Variants in SPATA16 observed in about 807,000 individuals in gnomAD.
The protein encoded by SPATA16 is spermatogenesis-associated protein 16.
Under a neutral mutation model 63.3 loss-of-function variants are expected in SPATA16, and 36 were observed. That is an observed-to-expected ratio of 0.57 (90% confidence interval 0.44 to 0.75). The LOEUF is 0.75. SPATA16 is among the 30% of genes least tolerant of loss of function. SPATA16 has a pLI of 0.00. For synonymous variants in SPATA16, 203 were observed against 216.7 expected (o/e 0.94, Z 0.56); for missense variants, 646 against 679.3 (o/e 0.95, Z 0.54).
chr3:172,919,867 GT>G (rs1206974271), intron 8 of SPATA16, among the ~76,000 whole-genome samples: 2 of 151,968 alleles, frequency 1.3e-5, no homozygotes, highest in Admixed American at 6.6e-5. Context: ...TTGTGTGTGT[GT>G]TTTTAATAGA....
intron 2 of SPATA16, among the ~76,000 whole-genome samples, chr3:173,087,565 A>C (rs1185576779): frequency 1.3e-5 from 2 of 152,184 alleles, no homozygotes; most frequent in Non-Finnish European, 2.9e-5. Flanking sequence ...TCCGGTCATC[A>C]TGATGCTAGC....
Position 173,029,751 on chromosome 3 carries a change from A to G in SPATA16, c.759-10176T>C, listed in dbSNP as rs1054960530. On this transcript the variant is annotated intron_variant, in intron 3 of 10. Coordinates refer to ENST00000351008, the MANE Select transcript of SPATA16 (RefSeq NM_031955.6). ...CAAGATATGCAAAACTGCTATACACATGGGTAATTTTCTCCCCATAGGGAT... is the reference window on the plus strand; with the variant it reads ...CAAGATATGCAAAACTGCTATACACGTGGGTAATTTTCTCCCCATAGGGAT... Among the ~76,000 whole-genome samples, 4 of 152,002 alleles carry G rather than the reference A, an allele frequency of 2.6e-5. 1 individual carries two copies. The highest frequency in any genetic ancestry group is 1.3e-4 in the Admixed American group (2 of 15,226).
Position 172,925,457 on chromosome 3 carries a change from C to A in SPATA16, c.1117G>T (p.Asp373Tyr), listed in dbSNP as rs763912965. 1 of 1,613,830 alleles carries A rather than the reference C, an allele frequency of 6.2e-7. No individual in the cohort carries two copies. The highest frequency in any genetic ancestry group is 2.2e-5 in the East Asian group (1 of 44,872). Residue 373 changes from aspartate (D) to tyrosine (Y), a missense_variant, in exon 7 of 11, where the codon GAC becomes TAC. Coordinates refer to ENST00000351008, the MANE Select transcript of SPATA16 (RefSeq NM_031955.6). The stretch of plus-strand genomic sequence containing the variant: ...TGTTGGGGAGGAAAAGATGACCAGT[C>A]AACTGTCTGAGGCAACATGTGGAGT... ...QALHMLPQTV[D>Y]WSSFPPQQYL... is the part of the protein sequence containing the mutation.
chr3:173,064,865 G>C (rs550716083), intron 2 of SPATA16, among the ~76,000 whole-genome samples: 2 of 152,058 alleles, frequency 1.3e-5, no homozygotes, highest in East Asian at 3.9e-4. Context: ...ATGAAAAATC[G>C]GGATTGATAA....
chr3:173,002,429 A>G (rs1376677892), intron 4 of SPATA16, among the ~76,000 whole-genome samples: 1 of 152,166 alleles, frequency 6.6e-6, no homozygotes, highest in Non-Finnish European at 1.5e-5. Context: ...TCAGTGAAAG[A>G]ATTAGGAGAA....
In SPATA16 at chr3:173,058,667, A is replaced by G. The variant is rs74420848; in HGVS notation, c.613-9573T>C. Among the ~76,000 whole-genome samples the G allele has an allele frequency of 4.2e-3, 645 of 152,230 alleles. 9 individuals are homozygous for G. In the East Asian group the frequency reaches 0.049, roughly 12 times the overall value. On this transcript the variant is annotated intron_variant, in intron 2 of 10. Transcript: ENST00000351008. ...ATTACTAGCTCAGTCTCCTGTGTTT[A>G]TCGGCCATGGGTATGGGTATACTGT... is the stretch of plus-strand genomic sequence containing the variant.
intron 5 of SPATA16, among the ~76,000 whole-genome samples, chr3:172,976,285 T>TG (rs1163376701): frequency 6.6e-6 from 1 of 152,062 alleles, no homozygotes; most frequent in Non-Finnish European, 1.5e-5. Flanking sequence ...GTTATTTTTG[T>TG]GGGGGTTAAG....
chr3:173,027,148 C>T (rs1192408525), intron 3 of SPATA16, among the ~76,000 whole-genome samples: 1 of 151,736 alleles, frequency 6.6e-6, no homozygotes, highest in Non-Finnish European at 1.5e-5. Flanking sequence ...AGATTTATTC[C>T]AAACATTTGA....
chr3:173,086,015 G>T (rs1368677067), intron 2 of SPATA16, among the ~76,000 whole-genome samples: 9 of 149,360 alleles, frequency 6.0e-5, no homozygotes, highest in African/African-American at 2.0e-4. Flanking sequence ...TTGTATCTCT[G>T]CCAGGTTTTG....
chr3:172,999,195 A>G (rs1734760083), intron 4 of SPATA16, among the ~76,000 whole-genome samples: 1 of 152,080 alleles, frequency 6.6e-6, no homozygotes, highest in Admixed American at 6.5e-5. Context: ...GAAAGTTATT[A>G]ATTAATTATT....
intron 6 of SPATA16, among the ~76,000 whole-genome samples, chr3:172,927,664 G>T (rs958323945): frequency 3.3e-5 from 5 of 152,178 alleles, no homozygotes; most frequent in African/African-American, 4.8e-5. Context: ...CACACACTGA[G>T]CATAGGGACC....
intron 2 of SPATA16, among the ~76,000 whole-genome samples, chr3:173,061,578 A>G (rs1419197785): frequency 6.6e-6 from 1 of 152,244 alleles, no homozygotes; most frequent in Non-Finnish European, 1.5e-5. Flanking sequence ...CTTTTCAGAT[A>G]TCAAACTAAA....
rs762793354 is a variant in SPATA16 at position 172,968,466 on chromosome 3, C to T, written c.933+8502G>A. ...ACATGTTGGGTTGAAGTGGGGATAG[C>T]GTGAGGAGAAGAGAGGAATGGGGTA... On this transcript the variant is annotated intron_variant, in intron 5 of 10. Transcript: ENST00000351008. Among the ~76,000 whole-genome samples the T allele has an allele frequency of 4.6e-5, 7 of 152,128 alleles. 1 individual carries two copies. Among genetic ancestry groups the T allele is most frequent in the South Asian group, 2.1e-4 (1 of 4,828 alleles).
At chr3:172,947,629 G>A (rs13316230) in intron 6 of SPATA16, among the ~76,000 whole-genome samples, 13,258 of 152,074 alleles carry the variant, frequency 0.087, 1,924 homozygotes, top group African/African-American at 0.3. Context: ...GTCTTTGCAG[G>A]GACATGGATG....
intron 4 of SPATA16, among the ~76,000 whole-genome samples, chr3:173,013,809 C>G (rs1428294610): frequency 1.3e-5 from 2 of 152,106 alleles, no homozygotes; most frequent in Admixed American, 1.3e-4. Context: ...TTACAGAGAA[C>G]AGGAATCTAT....
chr3:173,041,324 A>G (rs1735834010), intron 3 of SPATA16, among the ~76,000 whole-genome samples: 1 of 152,144 alleles, frequency 6.6e-6, no homozygotes, highest in Non-Finnish European at 1.5e-5. Context: ...ATTTAATTGG[A>G]AGAAACAATC....
intron 4 of SPATA16, among the ~76,000 whole-genome samples, chr3:172,993,239 C>T (rs1734620401): frequency 6.6e-6 from 1 of 151,412 alleles, no homozygotes; most frequent in Non-Finnish European, 1.5e-5. Context: ...TAAATAGTGG[C>T]AAGTGACAGC....
At chr3:172,889,734 T>C in intron 10 of SPATA16, 42 bp from the exon 11 acceptor site, 1 of 1,607,702 alleles carries the variant, frequency 6.2e-7, no homozygotes. Flanking sequence ...GTTGTTGTTT[T>C]CCTGGGTTTT....
intron 3 of SPATA16, among the ~76,000 whole-genome samples, chr3:173,041,872 G>A (rs1735847561): frequency 6.6e-6 from 1 of 152,136 alleles, no homozygotes; most frequent in Non-Finnish European, 1.5e-5. Flanking sequence ...GTTAATGGGT[G>A]CAGCACACCA....
Sources: allele counts gnomAD v4.1 joint callset (sites outside exome capture counted in the v4.1 genomes callset), GRCh38; gene constraint gnomAD v4.1.1; transcripts MANE v1.5; gene names NCBI Gene and HGNC (gene_info 2026-07-23, HGNC 2026-07-21).